TMEM30A: variants seen among roughly 807,000 people sequenced by gnomAD.
TMEM30A encodes the protein cell division cycle 50 P4-ATPase accessory subunit A.
Under a neutral mutation model 38.2 loss-of-function variants are expected in TMEM30A, and 24 were observed. The observed-to-expected ratio is 0.63, with a 90% CI of 0.46 to 0.88. The LOEUF is 0.88. Among genes scored for constraint, TMEM30A ranks in the 40% least tolerant of loss-of-function variants. The pLI is 0.00. For synonymous variants in TMEM30A, 145 were observed against 161.6 expected (o/e 0.90, Z 0.78); for missense variants, 370 against 458.6 (o/e 0.81, Z 1.77).
intron 6 of TMEM30A, 144 bp downstream of exon 6, chr6:75,258,636 A>T (rs997653676): frequency 2.0e-5 from 13 of 645,926 alleles, no homozygotes; most frequent in Admixed American, 3.3e-5. Flanking sequence ...TTAAAAATAC[A>T]TTCTCACATA....
At position 75,265,399 on chromosome 6, in the gene TMEM30A, A is replaced by C. The variant is rs1582278497; in HGVS notation, c.346-61T>G. On this transcript the variant is annotated intron_variant, in intron 2 of 6. Transcript: ENST00000230461. ...AAACTATTCTGTATAAACTTATTTC[A>C]TGTGTACATAAAAGCTACGTAATTT... 1.5e-5 allele frequency: 15 copies of C among 971,792 alleles called. No homozygotes were observed. In the East Asian group the frequency reaches 2.7e-4, roughly 17 times the overall value. 60.2% of individuals were successfully genotyped at this position (971,792 alleles called of 1,614,324 possible).
At chr6:75,256,966 A>C (rs953890145) in intron 6 of TMEM30A, among the ~76,000 whole-genome samples, 1 of 152,140 alleles carries the variant, frequency 6.6e-6, no homozygotes, top group Non-Finnish European at 1.5e-5. Flanking sequence ...GCAGCAAAGA[A>C]GACAGAACCA....
chr6:75,270,827 ATTTG>A lies in TMEM30A; in HGVS notation c.238-3083_238-3080del, dbSNP rs1033329347. ...ATAGAAACAGTTTTCATCAAAGCTT[ATTTG>A]TTTACTGATGAAATTGTTTAGAGAA... On this transcript the variant is annotated intron_variant, in intron 1 of 6. Transcript: ENST00000230461. Among the ~76,000 whole-genome samples, 41 of 152,180 alleles carry A rather than the reference ATTTG, an allele frequency of 2.7e-4. 1 individual carries two copies. The highest frequency in any genetic ancestry group is 9.2e-4 in the African/African-American group (38 of 41,446).
chr6:75,275,686 C>T (rs927468740), intron 1 of TMEM30A, among the ~76,000 whole-genome samples: 11 of 152,314 alleles, frequency 7.2e-5, no homozygotes, highest in Admixed American at 3.3e-4. Flanking sequence ...TTCACTGCAA[C>T]CATTCTACTG....
intron 1 of TMEM30A, chr6:75,272,403 T>C (rs571998297): frequency 6.6e-6 from 1 of 152,390 alleles, no homozygotes; most frequent in South Asian, 2.1e-4. Flanking sequence ...GGAAATGTTA[T>C]TGCTTCCTTA....
At position 75,278,031 on chromosome 6, in the gene TMEM30A, T is replaced by C. The variant is rs367775545; in HGVS notation, c.237+6371A>G. Among the ~76,000 whole-genome samples the C allele has an allele frequency of 3.3e-5, 5 of 152,290 alleles. No homozygotes were observed. The East Asian group carries it at 9.6e-4, about 29-fold the overall frequency. On this transcript the variant is annotated intron_variant, in intron 1 of 6. Transcript: ENST00000230461. ...GAAGAAAACAAGAGGAAGATGGTGA[T>C]ATTCAATACTCCTATAACTTTTTTT...
intron 1 of TMEM30A, among the ~76,000 whole-genome samples, chr6:75,269,319 AC>A (rs1174878085): frequency 6.6e-6 from 1 of 152,196 alleles, no homozygotes; most frequent in African/African-American, 2.4e-5. Flanking sequence ...CTCTCTGCTA[AC>A]CCCTGGAAAG....
chr6:75,259,337 A>G lies in TMEM30A; in HGVS notation c.685+10T>C. ...GTTTAATTTTTTAAGGGATATTAGTAATGTTTTACCTTTAAATCGTTCTTC... is the reference window on the plus strand; with the variant it reads ...GTTTAATTTTTTAAGGGATATTAGTGATGTTTTACCTTTAAATCGTTCTTC... On this transcript the variant is annotated intron_variant, in intron 5 of 6. Coordinates refer to ENST00000230461, the MANE Select transcript of TMEM30A (RefSeq NM_018247.4). 6.2e-7 allele frequency: 1 copy of G among 1,600,160 alleles called. No individual in the cohort carries two copies. Among genetic ancestry groups the G allele is most frequent in the Non-Finnish European group, 8.5e-7 (1 of 1,175,898 alleles).
chr6:75,268,559 T>C (rs1019449040), intron 1 of TMEM30A, among the ~76,000 whole-genome samples: 6 of 152,158 alleles, frequency 3.9e-5, no homozygotes, highest in Non-Finnish European at 7.4e-5. Context: ...GGGAGGGTAA[T>C]GTGCTCTAAG....
chr6:75,273,717 T>G (rs935432472), intron 1 of TMEM30A, among the ~76,000 whole-genome samples: 9 of 152,328 alleles, frequency 5.9e-5, no homozygotes, highest in African/African-American at 1.7e-4. Context: ...TAGATTACTC[T>G]TCAATAGGCA....
chr6:75,260,429 A>AG (rs1771945889), intron 4 of TMEM30A, among the ~76,000 whole-genome samples: 1 of 151,884 alleles, frequency 6.6e-6, no homozygotes, highest in African/African-American at 2.4e-5. Context: ...GGAAAAAAAA[A>AG]AAAAGACAGA....
chr6:75,283,369 G>A (rs890790950), intron 1 of TMEM30A, among the ~76,000 whole-genome samples: 5 of 151,092 alleles, frequency 3.3e-5, no homozygotes, highest in African/African-American at 1.2e-4. Flanking sequence ...AGAGAACTTG[G>A]TACTAGTTCC....
intron 1 of TMEM30A, among the ~76,000 whole-genome samples, chr6:75,282,146 A>G (rs1772368832): frequency 6.6e-6 from 1 of 152,200 alleles, no homozygotes; most frequent in African/African-American, 2.4e-5. Context: ...ACGCAGTCTA[A>G]TCTGAATCTT....
chr6:75,262,982 T>C (rs1303990669), intron 3 of TMEM30A, among the ~76,000 whole-genome samples: 6 of 152,210 alleles, frequency 3.9e-5, no homozygotes, highest in Admixed American at 3.9e-4. Flanking sequence ...GAAAGAAAGA[T>C]AACAGATAAG....
intron 1 of TMEM30A, among the ~76,000 whole-genome samples, chr6:75,282,659 C>T (rs1341703484): frequency 6.6e-6 from 1 of 152,164 alleles, no homozygotes; most frequent in Non-Finnish European, 1.5e-5. Flanking sequence ...TCATTTTTTA[C>T]AATACTCTCA....
Position 75,274,799 on chromosome 6 carries a change from G to A in TMEM30A, c.238-7051C>T, listed in dbSNP as rs373947843. ...AGCACTTTGGGAGGCCAAGGCGAGC[G>A]GATCATGAGGTCAGGAGATCGAGAC... On this transcript the variant is annotated intron_variant, in intron 1 of 6. Transcript: ENST00000230461. Among the ~76,000 whole-genome samples, 364 of 152,148 alleles carry A rather than the reference G, an allele frequency of 2.4e-3. 4 individuals carry two copies. The highest frequency in any genetic ancestry group is 8.5e-3 in the African/African-American group (354 of 41,504).
chr6:75,281,447 GC>G (rs1772354361), intron 1 of TMEM30A, among the ~76,000 whole-genome samples: 1 of 151,986 alleles, frequency 6.6e-6, no homozygotes, highest in Admixed American at 6.6e-5. Flanking sequence ...TTTTCTATTA[GC>G]CTCATTTTAT....
At chr6:75,283,828 A>G (rs1397914582) in intron 1 of TMEM30A, among the ~76,000 whole-genome samples, 1 of 152,184 alleles carries the variant, frequency 6.6e-6, no homozygotes, top group Non-Finnish European at 1.5e-5. Context: ...TACTATGCAC[A>G]TTTGTCATAA....
At chr6:75,268,203 T>A (rs983979559) in intron 1 of TMEM30A, among the ~76,000 whole-genome samples, 6 of 152,222 alleles carry the variant, frequency 3.9e-5, no homozygotes, top group Non-Finnish European at 7.3e-5. Flanking sequence ...TTTCAACACC[T>A]GGTGCTGAAT....
Sources: allele counts gnomAD v4.1 joint callset (sites outside exome capture counted in the v4.1 genomes callset), GRCh38; gene constraint gnomAD v4.1.1; transcripts MANE v1.5; gene names NCBI Gene and HGNC (gene_info 2026-07-23, HGNC 2026-07-21).